CDKAL1: variants seen among roughly 807,000 people sequenced by gnomAD.
CDKAL1 encodes the protein threonylcarbamoyladenosine tRNA methylthiotransferase.
Under a neutral mutation model 68.2 loss-of-function variants are expected in CDKAL1, and 32 were observed. The ratio of observed to expected loss-of-function variants is 0.47; its 90% confidence interval spans 0.35 to 0.63. The LOEUF (loss-of-function observed/expected upper bound fraction) is 0.63, where lower values mean the gene tolerates loss of function less well. CDKAL1 is among the 30% of genes least tolerant of loss of function. The probability of loss-of-function intolerance (pLI) is 0.00; values close to 1 mark genes in which losing one functional copy is unlikely to be tolerated. For synonymous variants in CDKAL1, 234 were observed against 244.3 expected (o/e 0.96, Z 0.39); for missense variants, 606 against 696.7 (o/e 0.87, Z 1.47).
At chr6:20,822,169 G>C (rs574771996) in intron 8 of CDKAL1, among the ~76,000 whole-genome samples, 1 of 152,106 alleles carries the variant, frequency 6.6e-6, no homozygotes, top group South Asian at 2.1e-4. Flanking sequence ...CTGATATAGA[G>C]AGCATTATAC....
intron 4 of CDKAL1, among the ~76,000 whole-genome samples, chr6:20,561,849 A>G (rs12214549): frequency 0.053 from 8,124 of 152,260 alleles, 233 homozygotes; most frequent in Middle Eastern, 0.082. Flanking sequence ...TGCAGTGTGT[A>G]TGGGAATCCC....
rs750171067 is a variant in CDKAL1, at chr6:21,000,295, C to A, written c.978C>A (p.Ser326=). The change falls in exon 11 of 16, where the codon TCC becomes TCA. Residue 326 remains serine (S), a synonymous_variant. Transcript: ENST00000274695. The part of the protein sequence containing the change: ...AFLHIPVQSA[S]DSVLMEMKRE... Reference sequence around the variant, plus strand: ...TGCACATACCAGTCCAGTCTGCCTCCGACAGCGTACTCATGGAAATGAAAA... The same window carrying A: ...TGCACATACCAGTCCAGTCTGCCTCAGACAGCGTACTCATGGAAATGAAAA... 6.2e-7 allele frequency: 1 copy of A among 1,613,696 alleles called. No homozygotes were observed. Among genetic ancestry groups the A allele is most frequent in the Non-Finnish European group, 8.5e-7 (1 of 1,179,700 alleles).
chr6:20,630,755 A>G (rs1767641149), intron 4 of CDKAL1, among the ~76,000 whole-genome samples: 1 of 152,174 alleles, frequency 6.6e-6, no homozygotes, highest in African/African-American at 2.4e-5. Context: ...CTGTAGAGCC[A>G]AAGATCCATC....
At position 20,931,301 on chromosome 6, in the gene CDKAL1, CA is replaced by C. The variant is rs564434327; in HGVS notation, c.743-24117del. The stretch of plus-strand genomic sequence containing the variant: ...CTACATATCATAATTGGCCTCGTGC[CA>C]GACACCAGGCCCTGTGCTATGTTCT... On this transcript the variant is annotated intron_variant, in intron 9 of 15. Coordinates refer to ENST00000274695, the MANE Select transcript of CDKAL1 (RefSeq NM_017774.3). Among the ~76,000 whole-genome samples the C allele has an allele frequency of 5.3e-3, 804 of 152,296 alleles. 4 individuals are homozygous for C. Among genetic ancestry groups the C allele is most frequent in the Non-Finnish European group, 7.8e-3 (533 of 68,026 alleles).
intron 4 of CDKAL1, among the ~76,000 whole-genome samples, chr6:20,561,626 G>A (rs555028499): frequency 4.3e-4 from 65 of 152,110 alleles, no homozygotes; most frequent in African/African-American, 1.5e-3. Context: ...AAATGAATCA[G>A]TATATGTAAA....
intron 12 of CDKAL1, among the ~76,000 whole-genome samples, chr6:21,099,444 G>T (rs1773474755): frequency 6.6e-6 from 1 of 151,502 alleles, no homozygotes; most frequent in Admixed American, 6.6e-5. Flanking sequence ...TCTTTTTCCA[G>T]CCATTTTTAA....
At chr6:20,756,971 T>C (rs904815881) in intron 6 of CDKAL1, among the ~76,000 whole-genome samples, 3 of 150,012 alleles carry the variant, frequency 2.0e-5, no homozygotes, top group African/African-American at 7.3e-5. Flanking sequence ...CCTTACTGTG[T>C]TGCCCAGGCT....
chr6:20,664,387 A>G (rs1466084375), intron 5 of CDKAL1, among the ~76,000 whole-genome samples: 2 of 152,178 alleles, frequency 1.3e-5, no homozygotes, highest in South Asian at 2.1e-4. Flanking sequence ...CTTTGTGCCA[A>G]CCAACAATTT....
At chr6:21,056,553 A>G (rs1334770996) in intron 11 of CDKAL1, among the ~76,000 whole-genome samples, 2 of 152,138 alleles carry the variant, frequency 1.3e-5, no homozygotes, top group East Asian at 1.9e-4. Flanking sequence ...AGAACTTCCA[A>G]TACTATGTTG....
chr6:21,048,949 A>G (rs926405512), intron 11 of CDKAL1, among the ~76,000 whole-genome samples: 1 of 152,058 alleles, frequency 6.6e-6, no homozygotes, highest in African/African-American at 2.4e-5. Flanking sequence ...AAAGCAAGAG[A>G]GAAAAGTTGA....
At chr6:21,013,804 A>G (rs1019058040) in intron 11 of CDKAL1, among the ~76,000 whole-genome samples, 5 of 152,186 alleles carry the variant, frequency 3.3e-5, no homozygotes, top group Admixed American at 1.3e-4. Context: ...ATAGTATCCC[A>G]CTTTGATTGG....
rs140276828 is a variant in CDKAL1, at chr6:20,665,886, C to T, written c.371+16509C>T. Reference sequence around the variant, plus strand: ...AGGTCGTGTGGAATTCTCTGTACAGCATAGATCTGTGTAGCGGAAGACATC... The same window carrying T: ...AGGTCGTGTGGAATTCTCTGTACAGTATAGATCTGTGTAGCGGAAGACATC... On this transcript the variant is annotated intron_variant, in intron 5 of 15. Coordinates refer to ENST00000274695, the MANE Select transcript of CDKAL1 (RefSeq NM_017774.3). Among the ~76,000 whole-genome samples the T allele has an allele frequency of 4.4e-3, 676 of 152,100 alleles. 5 individuals are homozygous for T. Among genetic ancestry groups the T allele is most frequent in the African/African-American group, 0.015 (637 of 41,492 alleles).
chr6:20,551,014 C>T (rs1156397675), intron 4 of CDKAL1, among the ~76,000 whole-genome samples: 4 of 151,704 alleles, frequency 2.6e-5, no homozygotes, highest in African/African-American at 4.8e-5. Context: ...TTCAGGTGCC[C>T]GCCACCATGC....
chr6:20,785,314 C>CT (rs5874783), intron 8 of CDKAL1, among the ~76,000 whole-genome samples: 107 of 96,038 alleles, frequency 1.1e-3, no homozygotes, highest in Non-Finnish European at 1.2e-3. Context: ...ATTTCTTTTT[C>CT]TTTTTTTTTT....
intron 13 of CDKAL1, among the ~76,000 whole-genome samples, chr6:21,142,685 C>T (rs1013709424): frequency 3.9e-5 from 6 of 152,068 alleles, no homozygotes; most frequent in African/African-American, 1.2e-4. Context: ...GACCAAAGTA[C>T]GAATAGAATG....
chr6:20,722,331 G>C (rs1305351532), intron 5 of CDKAL1: 5 of 197,544 alleles, frequency 2.5e-5, no homozygotes, highest in Admixed American at 1.0e-4. Context: ...ATGATGCTTA[G>C]AACTAGTTAA....
chr6:20,993,266 A>G (rs1006982572), intron 10 of CDKAL1, among the ~76,000 whole-genome samples: 2 of 152,196 alleles, frequency 1.3e-5, no homozygotes, highest in South Asian at 2.1e-4. Context: ...TATATTTCAA[A>G]CTATTTTAAA....
chr6:20,603,767 A>ATTTT (rs1766208447), intron 4 of CDKAL1, among the ~76,000 whole-genome samples: 1 of 96,226 alleles, frequency 1.0e-5, no homozygotes, highest in Non-Finnish European at 2.0e-5. Context: ...GCAGTTGCTA[A>ATTTT]ATTTTTTTTT....
At chr6:20,940,866 A>G (rs148642201) in intron 9 of CDKAL1, among the ~76,000 whole-genome samples, 1,821 of 152,288 alleles carry the variant, frequency 0.012, 30 homozygotes, top group African/African-American at 0.039. Flanking sequence ...CAAGGCGGGC[A>G]GATCACGAGG....
Sources: gnomAD v4.1 joint callset for allele counts (sites outside exome capture counted in the v4.1 genomes callset) on GRCh38, gnomAD v4.1.1 for gene constraint, MANE v1.5 for transcripts, NCBI Gene and HGNC (gene_info 2026-07-23, HGNC 2026-07-21) for gene names.